LHFPL3: variants seen among roughly 807,000 people sequenced by gnomAD.
LHFPL3 encodes the protein LHFPL tetraspan subfamily member 3, also known as LHFPL tetraspan subfamily member 3 protein.
In LHFPL3, 5 loss-of-function variants were observed where a neutral mutation model predicts 19.3. The ratio of observed to expected loss-of-function variants is 0.26; its 90% confidence interval spans 0.14 to 0.54. LHFPL3 has a LOEUF of 0.54. Among genes scored for constraint, LHFPL3 ranks in the 20% least tolerant of loss-of-function variants. The probability of loss-of-function intolerance (pLI) is 0.94; values close to 1 mark genes in which losing one functional copy is unlikely to be tolerated. For missense variants in LHFPL3, 249 were observed against 307.4 expected, an observed-to-expected ratio of 0.81 and a Z score of 1.42; for synonymous variants, 133 against 126.2, an observed-to-expected ratio of 1.05 and a Z score of -0.36.
chr7:104,335,049 C>T (rs971514123), intron 1 of LHFPL3, among the ~76,000 whole-genome samples: 8 of 152,150 alleles, frequency 5.3e-5, no homozygotes, highest in African/African-American at 1.7e-4. Context: ...TGGAGCAGGC[C>T]AAGCCCTCTC....
intron 1 of LHFPL3, among the ~76,000 whole-genome samples, chr7:104,565,339 A>C (rs1281268989): frequency 2.0e-5 from 3 of 152,254 alleles, no homozygotes; most frequent in Non-Finnish European, 2.9e-5. Flanking sequence ...TGTGCTTTAA[A>C]TAGTACATTT....
intron 1 of LHFPL3, among the ~76,000 whole-genome samples, chr7:104,493,388 T>A (rs1023331891): frequency 6.6e-6 from 1 of 151,918 alleles, no homozygotes; most frequent in Non-Finnish European, 1.5e-5. Context: ...TGTCATCTAG[T>A]ATCAGAGTTT....
intron 1 of LHFPL3, among the ~76,000 whole-genome samples, chr7:104,610,900 A>G (rs943047343): frequency 1.3e-5 from 2 of 152,232 alleles, no homozygotes; most frequent in African/African-American, 4.8e-5. Context: ...TACTCTCTCA[A>G]ACACACACTC....
intron 1 of LHFPL3, among the ~76,000 whole-genome samples, chr7:104,366,773 T>C (rs1468705392): frequency 6.6e-6 from 1 of 152,132 alleles, no homozygotes; most frequent in Non-Finnish European, 1.5e-5. Flanking sequence ...GATAAAAGAG[T>C]GATTCCTAGG....
intron 1 of LHFPL3, among the ~76,000 whole-genome samples, chr7:104,682,346 G>A (rs980736096): frequency 6.6e-6 from 1 of 152,128 alleles, no homozygotes; most frequent in Non-Finnish European, 1.5e-5. Context: ...TGTGAGAAAC[G>A]CAGAATCTCA....
intron 2 of LHFPL3, among the ~76,000 whole-genome samples, chr7:104,867,607 G>C (rs1232518330): frequency 6.6e-6 from 1 of 152,130 alleles, no homozygotes; most frequent in Non-Finnish European, 1.5e-5. Context: ...ACAAAAAAAA[G>C]TCCAGGACCA....
At chr7:104,838,477 A>G (rs1791139572) in intron 2 of LHFPL3, among the ~76,000 whole-genome samples, 1 of 152,232 alleles carries the variant, frequency 6.6e-6, no homozygotes, top group Non-Finnish European at 1.5e-5. Flanking sequence ...GAGTATAAAG[A>G]CACCCAGAAT....
intron 1 of LHFPL3, among the ~76,000 whole-genome samples, chr7:104,706,700 G>A (rs1793196213): frequency 6.6e-6 from 1 of 152,096 alleles, no homozygotes; most frequent in African/African-American, 2.4e-5. Context: ...CTGGTTGGTG[G>A]GGAATGTTTC....
At chr7:104,711,386 A>G (rs546964499) in intron 1 of LHFPL3, among the ~76,000 whole-genome samples, 1 of 152,226 alleles carries the variant, frequency 6.6e-6, no homozygotes, top group Non-Finnish European at 1.5e-5. Context: ...CAAGACTGGG[A>G]TTAGTCAAGT....
At chr7:104,441,607 T>C (rs1792225441) in intron 1 of LHFPL3, among the ~76,000 whole-genome samples, 1 of 152,196 alleles carries the variant, frequency 6.6e-6, no homozygotes, top group South Asian at 2.1e-4. Context: ...GACAATGTCT[T>C]GCCCTGTCGC....
chr7:104,417,599 G>C (rs891891062), intron 1 of LHFPL3, among the ~76,000 whole-genome samples: 1 of 152,084 alleles, frequency 6.6e-6, no homozygotes, highest in Admixed American at 6.5e-5. Context: ...TTAGTCTTTA[G>C]AGGCATTAAT....
At chr7:104,387,115 AGAAAT>A (rs750646737) in intron 1 of LHFPL3, among the ~76,000 whole-genome samples, 2 of 152,240 alleles carry the variant, frequency 1.3e-5, no homozygotes, top group Non-Finnish European at 2.9e-5. Flanking sequence ...CCATGTCTAA[AGAAAT>A]GAAGAGAAAT....
At chr7:104,733,786 C>T (rs185254837) in intron 1 of LHFPL3, among the ~76,000 whole-genome samples, 2 of 152,118 alleles carry the variant, frequency 1.3e-5, no homozygotes, top group African/African-American at 4.8e-5. Flanking sequence ...GGTTATTTTG[C>T]TCATTAGTTG....
chr7:104,795,394 G>A lies in LHFPL3; in HGVS notation c.682+58483G>A, dbSNP rs557661028. Among the ~76,000 whole-genome samples, 58 of 152,204 alleles carry A rather than the reference G, an allele frequency of 3.8e-4. 1 individual carries two copies. In the South Asian group the frequency reaches 0.011, roughly 30 times the overall value. The stretch of plus-strand genomic sequence containing the variant: ...TAACAGGCTTCTGTTCTCTCTCCCC[G>A]TCCCTCGCCTCTTTCTTTCTTCCCC... On this transcript the variant is annotated intron_variant, in intron 2 of 2. Coordinates refer to ENST00000424859, the MANE Select transcript of LHFPL3 (RefSeq NM_199000.3).
chr7:104,770,689 C>G (rs1178855863), intron 2 of LHFPL3, among the ~76,000 whole-genome samples: 1 of 152,164 alleles, frequency 6.6e-6, no homozygotes, highest in Non-Finnish European at 1.5e-5. Context: ...TGGCACTCTT[C>G]CACCAGAGCC....
chr7:104,590,078 A>T (rs56767420), intron 1 of LHFPL3, among the ~76,000 whole-genome samples: 1 of 151,904 alleles, frequency 6.6e-6, no homozygotes, highest in East Asian at 1.9e-4. Context: ...GGATTCATTG[A>T]TTTTTTTGAA....
At chr7:104,880,992 A>T (rs537447895) in intron 2 of LHFPL3, among the ~76,000 whole-genome samples, 16 of 152,218 alleles carry the variant, frequency 1.1e-4, no homozygotes, top group African/African-American at 3.6e-4. Context: ...AACACAATGA[A>T]ACCCCATCTC....
intron 1 of LHFPL3, among the ~76,000 whole-genome samples, chr7:104,388,566 A>G (rs1420588030): frequency 6.6e-6 from 1 of 152,180 alleles, no homozygotes; most frequent in East Asian, 1.9e-4. Context: ...TTATCTTGAT[A>G]CAAAATCAGA....
intron 1 of LHFPL3, among the ~76,000 whole-genome samples, chr7:104,603,698 C>T (rs1164586289): frequency 6.6e-6 from 1 of 152,182 alleles, no homozygotes; most frequent in Non-Finnish European, 1.5e-5. Context: ...CATTCCCATA[C>T]CAAAAGGGAG....
Sources: allele counts gnomAD v4.1 joint callset (sites outside exome capture counted in the v4.1 genomes callset), GRCh38; gene constraint gnomAD v4.1.1; transcripts MANE v1.5; gene names NCBI Gene and HGNC (gene_info 2026-07-23, HGNC 2026-07-21).